Variants in CADM2 observed in about 807,000 individuals in gnomAD.
CADM2 encodes the protein cell adhesion molecule 2.
A neutral mutation model predicts 49.8 loss-of-function variants in CADM2; 12 were observed. The observed-to-expected ratio is 0.24, with a 90% confidence interval of 0.15 to 0.39. The LOEUF (loss-of-function observed/expected upper bound fraction) is 0.39. Ranked by LOEUF, CADM2 falls within the 10% of genes least tolerant of loss-of-function variation. The pLI is 1.00. For synonymous variants in CADM2, 214 were observed against 175.4 expected, an observed-to-expected ratio of 1.22 and a Z score of -1.74; for missense variants, 378 against 492.3, an observed-to-expected ratio of 0.77 and a Z score of 2.20.
chr3:85,982,241 C>A (rs1727566012), intron 8 of CADM2, among the ~76,000 whole-genome samples: 1 of 151,346 alleles, frequency 6.6e-6, no homozygotes, highest in Admixed American at 6.6e-5. Flanking sequence ...TTTCAGGTTT[C>A]TTAACATGTT....
chr3:84,987,642 TA>T lies in CADM2; in HGVS notation c.61+27978del, dbSNP rs141824174. On this transcript the variant is annotated intron_variant, in intron 1 of 9. Coordinates refer to ENST00000383699, the MANE Select transcript of CADM2 (RefSeq NM_001167675.2). Reference sequence around the variant, plus strand: ...CTTCAGTCAGTGGAGTGAACTGAATTAAAACTAGCTAATCTGGCCCGATTTT... The same window carrying T: ...CTTCAGTCAGTGGAGTGAACTGAATTAAACTAGCTAATCTGGCCCGATTTT... Among the ~76,000 whole-genome samples the T allele has an allele frequency of 4.7e-3, 718 of 152,290 alleles. 5 individuals are homozygous for T. Among genetic ancestry groups the T allele is most frequent in the African/African-American group, 0.017 (691 of 41,586 alleles).
chr3:85,457,668 A>G (rs2038055805), intron 1 of CADM2, among the ~76,000 whole-genome samples: 1 of 152,152 alleles, frequency 6.6e-6, no homozygotes, highest in Non-Finnish European at 1.5e-5. Context: ...GAATAATACA[A>G]TTGAGGATTA....
At chr3:85,334,678 G>C (rs2045028462) in intron 1 of CADM2, among the ~76,000 whole-genome samples, 1 of 151,448 alleles carries the variant, frequency 6.6e-6, no homozygotes, top group African/African-American at 2.4e-5. Context: ...CTTTTCAAAT[G>C]TTAACAAAAA....
At chr3:85,005,619 C>T (rs1191154325) in intron 1 of CADM2, among the ~76,000 whole-genome samples, 2 of 151,874 alleles carry the variant, frequency 1.3e-5, no homozygotes, top group Non-Finnish European at 2.9e-5. Context: ...TTAGCACTGT[C>T]TGTGAATAGA....
chr3:85,291,737 C>A (rs2043803416), intron 1 of CADM2, among the ~76,000 whole-genome samples: 1 of 147,366 alleles, frequency 6.8e-6, no homozygotes, highest in African/African-American at 2.7e-5. Context: ...CAAGCAAATG[C>A]TGAGAGATTT....
intron 1 of CADM2, among the ~76,000 whole-genome samples, chr3:85,250,937 T>G (rs938900388): frequency 1.3e-5 from 2 of 151,788 alleles, no homozygotes; most frequent in African/African-American, 4.8e-5. Flanking sequence ...GGTGAGTTTC[T>G]TATGTTGCTG....
At chr3:85,463,216 G>A (rs1447432472) in intron 1 of CADM2, among the ~76,000 whole-genome samples, 1 of 152,062 alleles carries the variant, frequency 6.6e-6, no homozygotes, top group Admixed American at 6.5e-5. Context: ...AGTTACCCTC[G>A]TTTCATAGGC....
chr3:85,005,509 G>A (rs2033675706), intron 1 of CADM2, among the ~76,000 whole-genome samples: 1 of 151,916 alleles, frequency 6.6e-6, no homozygotes, highest in Non-Finnish European at 1.5e-5. Context: ...TTTATACTAT[G>A]GGTCACAGAC....
intron 1 of CADM2, among the ~76,000 whole-genome samples, chr3:85,396,972 A>G (rs759567248): frequency 9.2e-5 from 14 of 152,244 alleles, no homozygotes; most frequent in Middle Eastern, 3.4e-3. Context: ...TGAAAGTACA[A>G]CCAAGGGAAT....
Position 85,359,637 on chromosome 3 carries a change from C to CAT in CADM2, c.62-366856_62-366855dup, listed in dbSNP as rs1191509964. 8.5e-4 allele frequency among the ~76,000 whole-genome samples: 29 copies of CAT among 34,260 alleles called. 1 individual carries two copies. The highest frequency in any genetic ancestry group is 1.4e-3 in the African/African-American group (14 of 9,890). 22.5% of individuals were successfully genotyped at this position (34,260 alleles called of 152,430 possible). A position where few individuals can be genotyped will look rare whatever the true frequency, so the allele number is the denominator to read the frequency against. Reference sequence around the variant, plus strand: ...TATTTTTATTCCAGGCCAATGTCAGCATATATATATATATATATATATATA... The same window carrying CAT: ...TATTTTTATTCCAGGCCAATGTCAGCATATATATATATATATATATATATATA... On this transcript the variant is annotated intron_variant, in intron 1 of 9. Coordinates refer to ENST00000383699, the MANE Select transcript of CADM2 (RefSeq NM_001167675.2).
chr3:86,055,636 T>C (rs1045290526), intron 8 of CADM2, among the ~76,000 whole-genome samples: 16 of 151,878 alleles, frequency 1.1e-4, no homozygotes, highest in African/African-American at 3.1e-4. Flanking sequence ...CTGGCTAATA[T>C]TTTATTTTAG....
chr3:85,569,255 A>G (rs2062405833), intron 1 of CADM2, among the ~76,000 whole-genome samples: 4 of 152,162 alleles, frequency 2.6e-5, no homozygotes, highest in South Asian at 2.1e-4. Flanking sequence ...CATGAGACGC[A>G]TGTAAATTGT....
chr3:85,853,458 C>A (rs1026642792), intron 3 of CADM2, among the ~76,000 whole-genome samples: 8 of 151,668 alleles, frequency 5.3e-5, no homozygotes, highest in African/African-American at 1.9e-4. Context: ...TATGTCAAAG[C>A]CTTAAATGTA....
intron 8 of CADM2, chr3:86,027,747 T>C (rs1232263023): frequency 6.6e-6 from 1 of 152,122 alleles, no homozygotes. Context: ...CTATATGGTT[T>C]CAATAACTTT....
At chr3:85,590,340 G>A (rs777108397) in intron 1 of CADM2, among the ~76,000 whole-genome samples, 2 of 151,976 alleles carry the variant, frequency 1.3e-5, no homozygotes, top group Non-Finnish European at 2.9e-5. Context: ...GGCAACAAGT[G>A]TGGAAGCTGT....
rs185642755 is a variant in CADM2, at chr3:85,078,130, T to C, written c.61+118462T>C. 7.4e-3 allele frequency among the ~76,000 whole-genome samples: 1,119 copies of C among 152,184 alleles called. 10 individuals carry two copies. The highest frequency in any genetic ancestry group is 0.012 in the Non-Finnish European group (821 of 67,922). ...GTGATTTTACTGGGAAAAAGTCATT[T>C]AGTAAGGGATAAATGGCTGGTAACT... On this transcript the variant is annotated intron_variant, in intron 1 of 9. Coordinates refer to ENST00000383699, the MANE Select transcript of CADM2 (RefSeq NM_001167675.2).
intron 1 of CADM2, among the ~76,000 whole-genome samples, chr3:85,461,884 C>T (rs1048172441): frequency 6.6e-6 from 1 of 152,104 alleles, no homozygotes; most frequent in Non-Finnish European, 1.5e-5. Flanking sequence ...AAATATACAG[C>T]AAAGTTGGAC....
chr3:86,072,753 T>G lies in CADM2; in HGVS notation c.*5970T>G, dbSNP rs1703354885. The G allele has an allele frequency of 6.6e-6, 1 of 152,106 alleles. No individual in the cohort carries two copies. The highest frequency in any genetic ancestry group is 1.5e-5 in the Non-Finnish European group (1 of 67,978). 9.4% of individuals were successfully genotyped at this position (152,106 alleles called of 1,614,324 possible). On this transcript the variant is annotated 3_prime_UTR_variant, in exon 10 of 10. Coordinates refer to ENST00000383699, the MANE Select transcript of CADM2 (RefSeq NM_001167675.2). ...ATAAAATATTGATGTTTGAAGGCAG[T>G]GGTCACCAATTGGTTAAAAAACTAT... is the stretch of plus-strand genomic sequence containing the variant.
intron 1 of CADM2, among the ~76,000 whole-genome samples, chr3:85,040,283 T>C (rs1469370505): frequency 6.6e-6 from 1 of 152,206 alleles, no homozygotes; most frequent in African/African-American, 2.4e-5. Context: ...GCTCATAAGC[T>C]GATCAGAGAA....
Sources: allele counts gnomAD v4.1 joint callset (sites outside exome capture counted in the v4.1 genomes callset), GRCh38; gene constraint gnomAD v4.1.1; transcripts MANE v1.5; gene names NCBI Gene and HGNC (gene_info 2026-07-23, HGNC 2026-07-21).